BTNL8: variants seen among roughly 807,000 people sequenced by gnomAD.
The protein encoded by BTNL8 is butyrophilin like 8, also known as butyrophilin-like protein 8.
BTNL8 carries 22 observed loss-of-function variants against 36.1 expected under a neutral mutation model. That is an observed-to-expected ratio of 0.61 (90% confidence interval 0.44 to 0.87). BTNL8 has a LOEUF of 0.87. Ranked by LOEUF, BTNL8 falls within the 40% of genes least tolerant of loss-of-function variation. The probability of loss-of-function intolerance (pLI) is 0.00; values close to 1 mark genes in which losing one functional copy is unlikely to be tolerated. For missense variants in BTNL8, 526 were observed against 616.9 expected (o/e 0.85, Z 1.56); for synonymous variants, 203 against 235.6 (o/e 0.86, Z 1.27).
At chr5:180,908,186 G>A (rs1294229221) in intron 1 of BTNL8, among the ~76,000 whole-genome samples, 3 of 152,194 alleles carry the variant, frequency 2.0e-5, no homozygotes, top group African/African-American at 2.4e-5. Context: ...AGGACCCTCT[G>A]AGCCAGGTGT....
At chr5:180,917,608 T>C (rs1464134418) in intron 3 of BTNL8, among the ~76,000 whole-genome samples, 2 of 147,898 alleles carry the variant, frequency 1.4e-5, no homozygotes, top group Admixed American at 1.3e-4. Context: ...TCAGAATAAT[T>C]TAAAAAAAAT....
At chr5:180,908,122 T>C (rs1289695472) in intron 1 of BTNL8, among the ~76,000 whole-genome samples, 1 of 152,230 alleles carries the variant, frequency 6.6e-6, no homozygotes, top group Non-Finnish European at 1.5e-5. Context: ...CGCTGCTGCC[T>C]TGCAGTTTGA....
At chr5:180,907,866 G>C (rs374887659) in intron 1 of BTNL8, among the ~76,000 whole-genome samples, 41 of 151,136 alleles carry the variant, frequency 2.7e-4, no homozygotes, top group East Asian at 2.6e-3. Flanking sequence ...TGAGGAGGCA[G>C]TCTGCCAGTT....
chr5:180,943,412 G>A (rs1759084000), intron 3 of BTNL8, among the ~76,000 whole-genome samples: 1 of 152,082 alleles, frequency 6.6e-6, no homozygotes, highest in Non-Finnish European at 1.5e-5. Context: ...TTACAGGCAT[G>A]AGCCACCGTG....
Position 180,935,317 on chromosome 5 carries a change from TCC to T in BTNL8, c.674-12194_674-12193del, listed in dbSNP as rs1156255842. ...TTTCCCTTCCACCATCAACATGCCA[TCC>T]ATGGTACCTGGGCTGTTCATGCTGA... On this transcript the variant is annotated intron_variant, in intron 3 of 7. Transcript: ENST00000340184. This position sits in a 1 kb window ranked among gnomAD's most constrained non-coding sequence, Gnocchi z 4.8. Among the ~76,000 whole-genome samples, 1 of 152,184 alleles carries T rather than the reference TCC, an allele frequency of 6.6e-6. No individual in the cohort carries two copies. Among genetic ancestry groups the T allele is most frequent in the Non-Finnish European group, 1.5e-5 (1 of 68,022 alleles).
At chr5:180,928,348 A>G (rs1379305433) in intron 3 of BTNL8, among the ~76,000 whole-genome samples, 1 of 152,218 alleles carries the variant, frequency 6.6e-6, no homozygotes, top group African/African-American at 2.4e-5. Context: ...TAAATATGGA[A>G]AGGAAAAACC....
Position 180,950,534 on chromosome 5 carries a change from G to A in BTNL8, c.1493G>A (p.Gly498Asp). Reference protein sequence around the residue: ...SQATTPFLPRGEM With the variant: ...SQATTPFLPRDEM Reference sequence around the variant, plus strand: ...GCAACCACGCCCTTCCTCCCCAGGGGTGAAATGTAGGATGAATCACATCCC... The same window carrying A: ...GCAACCACGCCCTTCCTCCCCAGGGATGAAATGTAGGATGAATCACATCCC... The change falls in exon 8 of 8, where the codon GGT (glycine) becomes GAT (aspartate). Residue 498 changes from glycine (G) to aspartate (D), a missense_variant. Physicochemically the swap from Gly to Asp is moderately conservative, Grantham distance 94 (BLOSUM62 -1). Around this residue, in one of 2 missense-constraint regions of BTNL8, gnomAD observed 176 missense variants for 292.3 expected, o/e 0.60. Coordinates refer to ENST00000340184, the MANE Select transcript of BTNL8 (RefSeq NM_001040462.3). 1 of 1,462,122 alleles carries A rather than the reference G, an allele frequency of 6.8e-7. No homozygotes were observed. Among genetic ancestry groups the A allele is most frequent in the Non-Finnish European group, 9.4e-7 (1 of 1,058,992 alleles). 90.6% of individuals were successfully genotyped at this position (1,462,122 alleles called of 1,614,324 possible).
Position 180,950,140 on chromosome 5 carries a change from G to A in BTNL8, c.1099G>A (p.Glu367Lys), listed in dbSNP as rs1353167310. The change falls in exon 8 of 8, where the codon GAG becomes AAG. Residue 367 changes from glutamate to lysine, a missense_variant. Transcript: ENST00000340184. ...CCGGGATGATGTGGACAGGAGGAAG[G>A]AGTACGTGACTTTGTCTCCCGATCA... is the stretch of plus-strand genomic sequence containing the variant. Reference protein sequence around the residue: ...VCRDDVDRRKEYVTLSPDHGY... With the variant: ...VCRDDVDRRKKYVTLSPDHGY... The A allele has an allele frequency of 5.5e-6, 8 of 1,462,832 alleles. 2 individuals are homozygous for A. Among genetic ancestry groups the A allele is most frequent in the South Asian group, 4.5e-5 (4 of 89,276 alleles). 90.6% of individuals were successfully genotyped at this position (1,462,832 alleles called of 1,614,324 possible). A position where few individuals can be genotyped will look rare whatever the true frequency, so the allele number is the denominator to read the frequency against.
chr5:180,937,406 G>C (rs1758708508), intron 3 of BTNL8, among the ~76,000 whole-genome samples: 2 of 152,160 alleles, frequency 1.3e-5, no homozygotes, highest in African/African-American at 4.8e-5. Context: ...GTTGATTACA[G>C]CTGAAGCAGT....
In BTNL8 at chr5:180,935,280, C is replaced by T. The variant is rs1758592962; in HGVS notation, c.674-12232C>T. On this transcript the variant is annotated intron_variant, in intron 3 of 7. Transcript: ENST00000340184. This position sits in a 1 kb window ranked among gnomAD's most constrained non-coding sequence, Gnocchi z 4.8. ...GTAGTTAGGGACCTGCCCCTTTCCA[C>T]CCAGGAACCTGTTTCCCTTCCACCA... Among the ~76,000 whole-genome samples the T allele has an allele frequency of 6.6e-6, 1 of 152,182 alleles. No homozygotes were observed. The highest frequency in any genetic ancestry group is 2.1e-4 in the South Asian group (1 of 4,828).
chr5:180,950,283 G>A lies in BTNL8; in HGVS notation c.1242G>A (p.Glu414=), dbSNP rs1190891717. ...AAATAGGGGTCTTCCTGGACTATGA[G>A]TGTGGGACCATCTCCTTCTTCAACA... ...PTKIGVFLDY[E]CGTISFFNIN... Residue 414 remains glutamate (E), a synonymous_variant, in exon 8 of 8, where the codon GAG becomes GAA. Transcript: ENST00000340184. 3 of 1,463,738 alleles carry A rather than the reference G, an allele frequency of 2.0e-6. 1 individual carries two copies. The highest frequency in any genetic ancestry group is 2.8e-6 in the Non-Finnish European group (3 of 1,059,136). The allele number at this position is 1,463,738 out of a possible 1,614,324, so 90.7% of individuals were successfully genotyped here.
At chr5:180,909,519 C>A (rs1757286982) in intron 2 of BTNL8, 6 of 985,824 alleles carry the variant, frequency 6.1e-6, no homozygotes, top group Non-Finnish European at 7.2e-6. Flanking sequence ...CTTCCCCTGA[C>A]AATCAGTTGC....
At chr5:180,907,796 C>T (rs924085131) in intron 1 of BTNL8, among the ~76,000 whole-genome samples, 8 of 151,524 alleles carry the variant, frequency 5.3e-5, no homozygotes, top group African/African-American at 1.9e-4. Context: ...TGTCAGTGTG[C>T]CCCTGCTGGG....
At chr5:180,937,017 C>A (rs992317334) in intron 3 of BTNL8, among the ~76,000 whole-genome samples, 1 of 152,180 alleles carries the variant, frequency 6.6e-6, no homozygotes, top group African/African-American at 2.4e-5. Context: ...TCAGCACCTG[C>A]TGCCATGACT....
intron 3 of BTNL8, among the ~76,000 whole-genome samples, chr5:180,944,958 A>G (rs986127053): frequency 3.3e-5 from 5 of 152,350 alleles, no homozygotes; most frequent in Non-Finnish European, 4.4e-5. Flanking sequence ...TTTCACAGAT[A>G]AAGAAAAAAG....
chr5:180,950,794 AT>A lies in BTNL8; in HGVS notation c.*251del, dbSNP rs899675284. 1 of 480,130 alleles carries A rather than the reference AT, an allele frequency of 2.1e-6. No homozygotes were observed. Among genetic ancestry groups the A allele is most frequent in the African/African-American group, 1.9e-5 (1 of 51,342 alleles). 29.7% of individuals were successfully genotyped at this position (480,130 alleles called of 1,614,324 possible). On this transcript the variant is annotated 3_prime_UTR_variant, in exon 8 of 8. Transcript: ENST00000340184. Reference sequence around the variant, plus strand: ...AGGTGAAGAACCGTCAGGAATTCCCATCTCACAGGCTGTGGTGTAGATTAAG... The same window carrying A: ...AGGTGAAGAACCGTCAGGAATTCCCACTCACAGGCTGTGGTGTAGATTAAG...
At chr5:180,927,095 GC>G (rs1229909880) in intron 3 of BTNL8, among the ~76,000 whole-genome samples, 1 of 152,100 alleles carries the variant, frequency 6.6e-6, no homozygotes, top group Non-Finnish European at 1.5e-5. Flanking sequence ...TATGGTGGAT[GC>G]CCCCCTGGGA....
rs1168013084 is a variant in BTNL8, at chr5:180,908,735, T to C, written c.199T>C (p.Tyr67His). 2 of 1,614,188 alleles carry C rather than the reference T, an allele frequency of 1.2e-6. No homozygotes were observed. Among genetic ancestry groups the C allele is most frequent in the South Asian group, 1.1e-5 (1 of 91,086 alleles). Residue 67 changes from tyrosine to histidine, a missense_variant, in exon 2 of 8, where the codon TAC (tyrosine) becomes CAC (histidine). Coordinates refer to ENST00000340184, the MANE Select transcript of BTNL8 (RefSeq NM_001040462.3). ...RGQFSSVVHL[Y>H]RDGKDQPFMQ... Reference sequence around the variant, plus strand: ...CCAGTTCTCTAGCGTGGTCCACCTCTACAGGGACGGGAAGGACCAGCCATT... The same window carrying C: ...CCAGTTCTCTAGCGTGGTCCACCTCCACAGGGACGGGAAGGACCAGCCATT...
At chr5:180,922,803 C>T (rs1422917679) in intron 3 of BTNL8, among the ~76,000 whole-genome samples, 1 of 151,704 alleles carries the variant, frequency 6.6e-6, no homozygotes, top group Non-Finnish European at 1.5e-5. Flanking sequence ...TGAAGTCTCC[C>T]ACTATTATTG....
Sources: allele counts gnomAD v4.1 joint callset (sites outside exome capture counted in the v4.1 genomes callset), GRCh38; gene constraint gnomAD v4.1.1; regional missense constraint gnomAD v4.1.1; non-coding constraint Gnocchi (gnomAD v3.1); transcripts MANE v1.5; gene names NCBI Gene and HGNC (gene_info 2026-07-23, HGNC 2026-07-21).